Variants in NUFIP1 observed in about 807,000 individuals in gnomAD.
The protein encoded by NUFIP1 is FMR1-interacting protein NUFIP1.
NUFIP1 carries 38 observed loss-of-function variants against 56.2 expected under a neutral mutation model. That is an observed-to-expected ratio of 0.68 (90% CI 0.52 to 0.89). The LOEUF is 0.89. Ranked by LOEUF, NUFIP1 falls within the 40% of genes least tolerant of loss-of-function variation. The pLI is 0.00. For synonymous variants in NUFIP1, 215 were observed against 212.4 expected, an observed-to-expected ratio of 1.01 and a Z score of -0.10; for missense variants, 567 against 605.8, an observed-to-expected ratio of 0.94 and a Z score of 0.67.
At chr13:44,953,234 C>T (rs527649487) in intron 7 of NUFIP1, among the ~76,000 whole-genome samples, 57 of 152,108 alleles carry the variant, frequency 3.7e-4, no homozygotes, top group African/African-American at 1.3e-3. Flanking sequence ...AAAGAATTTT[C>T]GACATATGTT....
intron 6 of NUFIP1, among the ~76,000 whole-genome samples, chr13:44,965,319 C>T (rs1271263929): frequency 6.6e-6 from 1 of 152,176 alleles, no homozygotes; most frequent in Admixed American, 6.5e-5. Flanking sequence ...TTGTAAATTG[C>T]CCAGTCTCGG....
rs796640736 is a variant in NUFIP1, at chr13:44,982,667, CA to C, written c.413-514del. Among the ~76,000 whole-genome samples, 970 of 138,616 alleles carry C rather than the reference CA, an allele frequency of 7.0e-3. 1 individual carries two copies. Among genetic ancestry groups the C allele is most frequent in the East Asian group, 0.025 (121 of 4,790 alleles). 90.9% of individuals were successfully genotyped at this position (138,616 alleles called of 152,430 possible). A position where few individuals can be genotyped will look rare whatever the true frequency, so the allele number is the denominator to read the frequency against. ...TCCAACAAACCTTACATACTGACAC[CA>C]AAAAAAAAAAAAAATTCTCCAATCC... On this transcript the variant is annotated intron_variant, in intron 1 of 9. Coordinates refer to ENST00000379161, the MANE Select transcript of NUFIP1 (RefSeq NM_012345.3).
intron 5 of NUFIP1, among the ~76,000 whole-genome samples, chr13:44,967,178 T>C (rs1871634179): frequency 6.6e-6 from 1 of 151,790 alleles, no homozygotes; most frequent in Non-Finnish European, 1.5e-5. Flanking sequence ...TGGTCTTAAA[T>C]GGTAACAGAA....
intron 1 of NUFIP1, among the ~76,000 whole-genome samples, chr13:44,983,301 G>A (rs1203214514): frequency 1.3e-5 from 2 of 151,980 alleles, no homozygotes; most frequent in South Asian, 2.1e-4. Context: ...TCAGCCTCCC[G>A]AGTAGCTGGG....
rs760394133 is a variant in NUFIP1, at chr13:44,959,527, C to G, written c.875G>C (p.Ser292Thr). 6.2e-6 allele frequency: 10 copies of G among 1,613,716 alleles called. No individual in the cohort carries two copies. ...SRHSQMAKIR[S>T]PGKNHKWKND... Reference sequence around the variant, plus strand: ...TTTCCATTTGTGATTCTTGCCAGGACTTCTGATCTTTGCCATTTGTGAATG... The same window carrying G: ...TTTCCATTTGTGATTCTTGCCAGGAGTTCTGATCTTTGCCATTTGTGAATG... The change falls in exon 7 of 10, where the codon AGT becomes ACT. Residue 292 changes from serine to threonine, a missense_variant. By Grantham distance (58) the Ser-to-Thr change is moderately conservative (BLOSUM62 1). Coordinates refer to ENST00000379161, the MANE Select transcript of NUFIP1 (RefSeq NM_012345.3).
At chr13:44,966,266 T>C (rs1161391782) in intron 5 of NUFIP1, among the ~76,000 whole-genome samples, 1 of 152,152 alleles carries the variant, frequency 6.6e-6, no homozygotes, top group Non-Finnish European at 1.5e-5. Flanking sequence ...TAAAAAAAAT[T>C]TTTAAGTCTA....
chr13:44,965,437 G>A (rs974919485), intron 6 of NUFIP1, among the ~76,000 whole-genome samples: 4 of 152,156 alleles, frequency 2.6e-5, no homozygotes, highest in African/African-American at 7.2e-5. Context: ...GGCCAGGTGC[G>A]GTAATCCCAT....
At position 44,953,158 on chromosome 13, in the gene NUFIP1, G is replaced by C. The variant is rs545554443; in HGVS notation, c.1022-3320C>G. Among the ~76,000 whole-genome samples, 7 of 152,244 alleles carry C rather than the reference G, an allele frequency of 4.6e-5. No homozygotes were observed. The East Asian group carries it at 1.3e-3, about 29-fold the overall frequency. On this transcript the variant is annotated intron_variant, in intron 7 of 9. Transcript: ENST00000379161. ...CTTTCATTATTCTATTTCTTGAAATGAGTTACTAAGTTTAGCTCACACTCC... is the reference window on the plus strand; with the variant it reads ...CTTTCATTATTCTATTTCTTGAAATCAGTTACTAAGTTTAGCTCACACTCC...
chr13:44,953,380 A>G (rs1035811449), intron 7 of NUFIP1, among the ~76,000 whole-genome samples: 7 of 152,088 alleles, frequency 4.6e-5, no homozygotes, highest in African/African-American at 1.7e-4. Context: ...TGCCCAAAAC[A>G]ATTATTACTG....
chr13:44,968,138 G>C (rs540750217), intron 5 of NUFIP1, among the ~76,000 whole-genome samples: 43 of 151,714 alleles, frequency 2.8e-4, no homozygotes, highest in Non-Finnish European at 5.7e-4. Context: ...ATCCAGTCAA[G>C]AAAAATAGAC....
At chr13:44,984,865 C>G (rs1042595004) in intron 1 of NUFIP1, among the ~76,000 whole-genome samples, 2 of 152,090 alleles carry the variant, frequency 1.3e-5, no homozygotes, top group Admixed American at 1.3e-4. Flanking sequence ...CCCGTTCCCC[C>G]CACCCCACAA....
chr13:44,948,023 C>T lies in NUFIP1; in HGVS notation c.1138+1699G>A, dbSNP rs559586501. ...CCATGTTACAGATACATGTAAACAC[C>T]ATTTTTCATATTAAAGCCTAACGGC... On this transcript the variant is annotated intron_variant, in intron 8 of 9. Coordinates refer to ENST00000379161, the MANE Select transcript of NUFIP1 (RefSeq NM_012345.3). Among the ~76,000 whole-genome samples the T allele has an allele frequency of 2.3e-4, 35 of 152,208 alleles. No homozygotes were observed. In the South Asian group the frequency reaches 6.2e-3, roughly 27 times the overall value.
intron 5 of NUFIP1, among the ~76,000 whole-genome samples, chr13:44,972,730 C>T (rs150466757): frequency 4.3e-4 from 66 of 152,232 alleles, no homozygotes; most frequent in African/African-American, 1.5e-3. Context: ...CTCAAATATC[C>T]CTTGACCAGT....
intron 3 of NUFIP1, among the ~76,000 whole-genome samples, chr13:44,980,215 C>T (rs141351290): frequency 3.0e-4 from 45 of 152,346 alleles, no homozygotes; most frequent in Admixed American, 9.1e-4. Flanking sequence ...CTGTGAAATG[C>T]TCTTAATTCC....
Position 44,980,009 on chromosome 13 carries a change from T to G in NUFIP1, c.595-57A>C. The G allele has an allele frequency of 3.1e-6, 4 of 1,293,908 alleles. No individual in the cohort carries two copies. The Admixed American group carries it at 8.3e-5, about 27-fold the overall frequency. 80.2% of individuals were successfully genotyped at this position (1,293,908 alleles called of 1,614,324 possible). On this transcript the variant is annotated intron_variant, in intron 3 of 9. Coordinates refer to ENST00000379161, the MANE Select transcript of NUFIP1 (RefSeq NM_012345.3). ...TTAACAAATGTTTTCCATGTTAAAT[T>G]TACCCCACTATACATACACAGACAT...
chr13:44,987,926 A>G (rs1231819299), intron 1 of NUFIP1, among the ~76,000 whole-genome samples: 1 of 152,192 alleles, frequency 6.6e-6, no homozygotes, highest in Non-Finnish European at 1.5e-5. Flanking sequence ...ATCTTCTACA[A>G]TTATACTCCA....
At chr13:44,955,711 G>T (rs1332168232) in intron 7 of NUFIP1, among the ~76,000 whole-genome samples, 1 of 152,172 alleles carries the variant, frequency 6.6e-6, no homozygotes, top group Non-Finnish European at 1.5e-5. Context: ...ACATATATTG[G>T]AGAGTGGAGA....
At chr13:44,956,647 C>G (rs1000745792) in intron 7 of NUFIP1, among the ~76,000 whole-genome samples, 2 of 152,146 alleles carry the variant, frequency 1.3e-5, no homozygotes, top group African/African-American at 4.8e-5. Flanking sequence ...CTAAATCCCT[C>G]ACGTGCACAG....
intron 7 of NUFIP1, 99 bp downstream of exon 7, chr13:44,959,282 C>T (rs907649980): frequency 2.8e-5 from 30 of 1,068,558 alleles, no homozygotes; most frequent in Middle Eastern, 2.7e-4. Flanking sequence ...CATTGTTATA[C>T]ATTTGATATT....
Sources: allele counts gnomAD v4.1 joint callset (sites outside exome capture counted in the v4.1 genomes callset), GRCh38; gene constraint gnomAD v4.1.1; transcripts MANE v1.5; gene names NCBI Gene and HGNC (gene_info 2026-07-23, HGNC 2026-07-21).